PAM: variants seen among roughly 807,000 people sequenced by gnomAD.
The protein encoded by PAM is peptidylglycine alpha-amidating monooxygenase.
Under a neutral mutation model 122.1 loss-of-function variants are expected in PAM, and 72 were observed. That is an observed-to-expected ratio of 0.59 (90% confidence interval 0.49 to 0.72). PAM has a LOEUF of 0.72. PAM is among the 30% of genes least tolerant of loss of function. The pLI is 0.00. For missense variants in PAM, 1,106 were observed against 1,183.7 expected, an observed-to-expected ratio of 0.93 and a Z score of 0.96; for synonymous variants, 389 against 404.4, an observed-to-expected ratio of 0.96 and a Z score of 0.46.
intron 16 of PAM, 29 bp from the exon 17 acceptor site, chr5:103,003,004 T>A (rs1777846006): frequency 1.0e-6 from 1 of 969,294 alleles, no homozygotes; most frequent in Non-Finnish European, 1.7e-6. Context: ...TATGATTGTT[T>A]CATGTCCTAT....
At chr5:102,990,177 G>C in intron 15 of PAM, 95 bp from the exon 16 acceptor site, 1 of 837,262 alleles carries the variant, frequency 1.2e-6, no homozygotes, top group Non-Finnish European at 1.7e-6. Flanking sequence ...TGCATCTAGT[G>C]ATGTTATTGC....
intron 15 of PAM, among the ~76,000 whole-genome samples, chr5:102,980,711 T>C (rs1159966111): frequency 6.6e-6 from 1 of 152,176 alleles, no homozygotes; most frequent in African/African-American, 2.4e-5. Flanking sequence ...GCAAAAGTAT[T>C]AATTAACTTA....
chr5:103,017,517 C>A lies in PAM; in HGVS notation c.2431+84C>A, dbSNP rs772787281. The A allele has an allele frequency of 3.1e-5, 26 of 844,722 alleles. No individual in the cohort carries two copies. The South Asian group carries it at 3.1e-4, about 10-fold the overall frequency. The allele number at this position is 844,722 out of a possible 1,614,324, so 52.3% of individuals were successfully genotyped here. A position where few individuals can be genotyped will look rare whatever the true frequency, so the allele number is the denominator to read the frequency against. ...TATGAAACAAAAACATTTGCATTTC[C>A]TTATCTTTTTACTGATGAGAGTAGG... On this transcript the variant is annotated intron_variant, in intron 22 of 25. Transcript: ENST00000438793.
chr5:102,950,884 A>T (rs1758645380), intron 12 of PAM, 64 bp downstream of exon 12: 1 of 924,504 alleles, frequency 1.1e-6, no homozygotes, highest in African/African-American at 1.6e-5. Context: ...ATTACAGGTG[A>T]CAGCTATCTT....
chr5:102,999,456 A>G (rs1207742351), intron 16 of PAM, among the ~76,000 whole-genome samples: 1 of 152,144 alleles, frequency 6.6e-6, no homozygotes, highest in Non-Finnish European at 1.5e-5. Flanking sequence ...CTAACATTCC[A>G]AGGTCTGGAG....
intron 1 of PAM, among the ~76,000 whole-genome samples, chr5:102,845,232 T>C (rs1240796019): frequency 6.6e-6 from 1 of 152,118 alleles, no homozygotes; most frequent in Non-Finnish European, 1.5e-5. Flanking sequence ...GCACATGAGA[T>C]GAGAGGAGGG....
intron 16 of PAM, among the ~76,000 whole-genome samples, chr5:103,001,076 C>G (rs186003025): frequency 6.9e-4 from 105 of 152,184 alleles, no homozygotes; most frequent in Non-Finnish European, 1.3e-3. Context: ...AAACTTTAAC[C>G]TATTACATAT....
chr5:102,845,441 A>AT (rs1264611480), intron 1 of PAM, among the ~76,000 whole-genome samples: 1 of 152,234 alleles, frequency 6.6e-6, no homozygotes, highest in Non-Finnish European at 1.5e-5. Flanking sequence ...AGTTGCTAGA[A>AT]TATCAGCTGT....
At chr5:102,898,845 C>G (rs995562491) in intron 3 of PAM, among the ~76,000 whole-genome samples, 5 of 151,788 alleles carry the variant, frequency 3.3e-5, no homozygotes, top group Middle Eastern at 3.4e-3. Context: ...GCTTTAATAA[C>G]CTGGTACAAA....
At chr5:102,986,629 A>T (rs547691915) in intron 15 of PAM, among the ~76,000 whole-genome samples, 1 of 152,258 alleles carries the variant, frequency 6.6e-6, no homozygotes, top group East Asian at 1.9e-4. Flanking sequence ...GAAAAAAATC[A>T]TATTGTTAAA....
intron 16 of PAM, among the ~76,000 whole-genome samples, chr5:103,000,263 A>G (rs1582752880): frequency 1.3e-5 from 2 of 152,358 alleles, no homozygotes; most frequent in South Asian, 2.1e-4. Context: ...CAAAATGCCA[A>G]CAGTCTGTTT....
intron 1 of PAM, among the ~76,000 whole-genome samples, chr5:102,861,977 C>T (rs1190100935): frequency 6.6e-6 from 1 of 151,942 alleles, no homozygotes; most frequent in Non-Finnish European, 1.5e-5. Flanking sequence ...CGAGACCAGC[C>T]TGGGAAACTT....
chr5:102,928,193 C>G (rs1329237599), intron 7 of PAM, among the ~76,000 whole-genome samples: 2 of 152,330 alleles, frequency 1.3e-5, no homozygotes, highest in African/African-American at 4.8e-5. Context: ...AAACCCTGTA[C>G]TTCACTTTTC....
intron 14 of PAM, among the ~76,000 whole-genome samples, chr5:102,964,055 G>T (rs1037670353): frequency 1.3e-5 from 2 of 151,474 alleles, no homozygotes; most frequent in Non-Finnish European, 3.0e-5. Context: ...CTAAAAGAAA[G>T]AAATGTAGCC....
chr5:102,923,303 G>A (rs998856811), intron 5 of PAM, among the ~76,000 whole-genome samples: 2 of 152,150 alleles, frequency 1.3e-5, no homozygotes, highest in Non-Finnish European at 2.9e-5. Context: ...TATGTGCAAC[G>A]TGGGTGTTTT....
In PAM at chr5:103,005,361, C is replaced by T. The variant is rs1254616578; in HGVS notation, c.1803+135C>T. ...AGTAAGTTATAACAAGAAAATAGAG[C>T]AGCCATGTCTTAGTTCAGCATGTTA... On this transcript the variant is annotated intron_variant, in intron 18 of 25. Transcript: ENST00000438793. 6 of 646,856 alleles carry T rather than the reference C, an allele frequency of 9.3e-6. No homozygotes were observed. In the Admixed American group the frequency reaches 1.6e-4, roughly 17 times the overall value. The allele number at this position is 646,856 out of a possible 1,614,324, so 40.1% of individuals were successfully genotyped here. A position where few individuals can be genotyped will look rare whatever the true frequency, so the allele number is the denominator to read the frequency against.
chr5:102,998,951 A>C (rs1246083707), intron 16 of PAM, among the ~76,000 whole-genome samples: 3 of 152,216 alleles, frequency 2.0e-5, no homozygotes, highest in Non-Finnish European at 4.4e-5. Flanking sequence ...AAGAGGTTTA[A>C]TTGACTCAGT....
At chr5:102,985,180 G>A (rs185241597) in intron 15 of PAM, among the ~76,000 whole-genome samples, 1 of 151,840 alleles carries the variant, frequency 6.6e-6, no homozygotes, top group African/African-American at 2.4e-5. Context: ...GAACTAGGAA[G>A]CAGAACAAAC....
intron 1 of PAM, among the ~76,000 whole-genome samples, chr5:102,832,459 ATATAT>A (rs756643690): frequency 2.6e-5 from 4 of 152,098 alleles, no homozygotes; most frequent in Non-Finnish European, 5.9e-5. Context: ...TGAATCCTAT[ATATAT>A]TATGTTTTTC....
Sources: allele counts gnomAD v4.1 joint callset (sites outside exome capture counted in the v4.1 genomes callset), GRCh38; gene constraint gnomAD v4.1.1; transcripts MANE v1.5; gene names NCBI Gene and HGNC (gene_info 2026-07-23, HGNC 2026-07-21).